DYNC1I1: variants seen among roughly 807,000 people sequenced by gnomAD.
DYNC1I1 encodes dynein cytoplasmic 1 intermediate chain 1.
DYNC1I1 carries 43 observed loss-of-function variants against 86.6 expected under a neutral mutation model. The observed-to-expected ratio is 0.50, with a 90% CI of 0.39 to 0.64. The LOEUF is 0.64. DYNC1I1 is among the 30% of genes least tolerant of loss of function. The pLI is 0.00. For synonymous variants in DYNC1I1, 262 were observed against 283.7 expected, an observed-to-expected ratio of 0.92 and a Z score of 0.77; for missense variants, 604 against 788.8, an observed-to-expected ratio of 0.77 and a Z score of 2.81.
chr7:95,895,709 G>A (rs1790864845), intron 6 of DYNC1I1, among the ~76,000 whole-genome samples: 1 of 152,092 alleles, frequency 6.6e-6, no homozygotes, highest in Admixed American at 6.5e-5. Context: ...TAAACAGCAA[G>A]TAATAAGTCA....
chr7:95,800,466 G>A (rs1794550437), intron 1 of DYNC1I1, among the ~76,000 whole-genome samples: 1 of 152,124 alleles, frequency 6.6e-6, no homozygotes, highest in Non-Finnish European at 1.5e-5. Flanking sequence ...GTGACAGTGA[G>A]TGAGGAAGGG....
intron 14 of DYNC1I1, among the ~76,000 whole-genome samples, chr7:96,060,294 G>T (rs149279313): frequency 1.3e-5 from 2 of 152,054 alleles, no homozygotes; most frequent in Non-Finnish European, 2.9e-5. Context: ...AGTCTCTCAC[G>T]ACTGTAGCAA....
intron 1 of DYNC1I1, among the ~76,000 whole-genome samples, chr7:95,791,537 G>A (rs983344300): frequency 2.6e-5 from 4 of 152,160 alleles, no homozygotes; most frequent in South Asian, 2.1e-4. Flanking sequence ...AGCTCCAAGC[G>A]CAATAGATGG....
intron 4 of DYNC1I1, among the ~76,000 whole-genome samples, chr7:95,821,362 G>A (rs1011083106): frequency 6.6e-6 from 1 of 152,112 alleles, no homozygotes; most frequent in African/African-American, 2.4e-5. Context: ...GAGGACTTTG[G>A]GGTTATTTTG....
chr7:95,973,137 G>A (rs1041242273), intron 6 of DYNC1I1, among the ~76,000 whole-genome samples: 40 of 152,192 alleles, frequency 2.6e-4, no homozygotes, highest in African/African-American at 9.7e-4. Context: ...TATATCAGTA[G>A]TCTGTAGCAG....
intron 6 of DYNC1I1, among the ~76,000 whole-genome samples, chr7:95,964,308 T>G (rs779813152): frequency 6.6e-6 from 1 of 152,182 alleles, no homozygotes; most frequent in African/African-American, 2.4e-5. Context: ...AATTCCCACT[T>G]CAAAGAACCA....
In DYNC1I1 at chr7:95,949,478, G is replaced by A. The variant is rs1230004700; in HGVS notation, c.491-28034G>A. 4.6e-5 allele frequency among the ~76,000 whole-genome samples: 7 copies of A among 152,222 alleles called. 1 individual carries two copies. ...TGCACATTTAAATGTTTGTCTCTCA[G>A]TGACCATTAACTTAAGCCTGGCTCA... is the stretch of plus-strand genomic sequence containing the variant. On this transcript the variant is annotated intron_variant, in intron 6 of 16. Coordinates refer to ENST00000447467, the MANE Select transcript of DYNC1I1 (RefSeq NM_001135556.2).
chr7:96,086,386 T>C (rs184611426), intron 16 of DYNC1I1, among the ~76,000 whole-genome samples: 1 of 152,348 alleles, frequency 6.6e-6, no homozygotes, highest in East Asian at 1.9e-4. Flanking sequence ...GATTATATTT[T>C]ACAGTAGTCA....
chr7:96,000,501 A>G (rs772352911), intron 10 of DYNC1I1, among the ~76,000 whole-genome samples: 1 of 152,228 alleles, frequency 6.6e-6, no homozygotes, highest in Non-Finnish European at 1.5e-5. Context: ...TAGTGCCACA[A>G]CATTGCTACT....
chr7:96,084,878 A>G (rs1455137354), intron 16 of DYNC1I1, among the ~76,000 whole-genome samples: 2 of 152,172 alleles, frequency 1.3e-5, no homozygotes, highest in Non-Finnish European at 2.9e-5. Flanking sequence ...ATTTTGCCTG[A>G]AAATATATTA....
At chr7:95,873,266 T>A (rs1790220647) in intron 6 of DYNC1I1, among the ~76,000 whole-genome samples, 1 of 152,166 alleles carries the variant, frequency 6.6e-6, no homozygotes, top group African/African-American at 2.4e-5. Context: ...GCACTTCTTC[T>A]GAGACTCACC....
chr7:95,885,470 C>G (rs956369660), intron 6 of DYNC1I1, among the ~76,000 whole-genome samples: 9 of 151,960 alleles, frequency 5.9e-5, no homozygotes, highest in Non-Finnish European at 1.2e-4. Context: ...AGCCACCATG[C>G]CCTGCCCTTC....
intron 14 of DYNC1I1, among the ~76,000 whole-genome samples, chr7:96,053,289 A>C (rs1584281480): frequency 1.3e-5 from 2 of 152,236 alleles, no homozygotes; most frequent in African/African-American, 2.4e-5. Flanking sequence ...ATGTCACATA[A>C]TTTTAAGTGT....
At position 96,005,458 on chromosome 7, in the gene DYNC1I1, G is replaced by A. The variant is rs994667798; in HGVS notation, c.969+9385G>A. ...TGGGTGGGCGCTCTTTGTGAACAGC[G>A]ATGTTGCATATTGCGTTATCTGACA... is the stretch of plus-strand genomic sequence containing the variant. On this transcript the variant is annotated intron_variant, in intron 10 of 16. Coordinates refer to ENST00000447467, the MANE Select transcript of DYNC1I1 (RefSeq NM_001135556.2). 5.9e-5 allele frequency among the ~76,000 whole-genome samples: 9 copies of A among 152,030 alleles called. No homozygotes were observed. The South Asian group carries it at 6.2e-4, about 11-fold the overall frequency.
chr7:95,835,797 C>T (rs2115976251), intron 5 of DYNC1I1, among the ~76,000 whole-genome samples: 1 of 151,900 alleles, frequency 6.6e-6, no homozygotes, highest in African/African-American at 2.4e-5. Context: ...ATTGCAACCC[C>T]TGCCTTTTTT....
chr7:95,977,595 A>T lies in DYNC1I1; in HGVS notation c.574A>T (p.Lys192Ter). ...AAATCAGGACAAAAAACAGGAAGTG[A>T]AGGAAGGTATGATATGGAAAATAAA... Reference protein sequence around the residue: ...LENQDKKQEVKEAPPRELTEE... With the variant: ...LENQDKKQEV Residue 192 changes from lysine (K) to a stop codon, truncating the protein, a stop_gained, in exon 7 of 17, where the codon AAG becomes TAG. Transcript: ENST00000447467. LOFTEE classifies it high-confidence loss of function. The T allele has an allele frequency of 6.2e-7, 1 of 1,612,782 alleles. No individual in the cohort carries two copies. Among genetic ancestry groups the T allele is most frequent in the Non-Finnish European group, 8.5e-7 (1 of 1,179,488 alleles).
At chr7:96,033,646 A>G (rs1000200358) in intron 12 of DYNC1I1, among the ~76,000 whole-genome samples, 4 of 152,188 alleles carry the variant, frequency 2.6e-5, no homozygotes, top group African/African-American at 9.6e-5. Flanking sequence ...TAACATTCCC[A>G]TATTCTTTCC....
At chr7:96,007,618 G>A (rs1358988329) in intron 10 of DYNC1I1, among the ~76,000 whole-genome samples, 1 of 152,152 alleles carries the variant, frequency 6.6e-6, no homozygotes, top group African/African-American at 2.4e-5. Context: ...TGTAGAGGTA[G>A]GGCAAGGCTT....
intron 10 of DYNC1I1, among the ~76,000 whole-genome samples, chr7:96,000,022 AT>A (rs1793971136): frequency 6.6e-6 from 1 of 152,154 alleles, no homozygotes; most frequent in African/African-American, 2.4e-5. Context: ...AAGGATTTTT[AT>A]TTATTTTTTT....
Sources: gnomAD v4.1 joint callset for allele counts (sites outside exome capture counted in the v4.1 genomes callset) on GRCh38, gnomAD v4.1.1 for gene constraint, MANE v1.5 for transcripts, NCBI Gene and HGNC (gene_info 2026-07-23, HGNC 2026-07-21) for gene names.